The following PDS5A variants were observed in gnomAD, a reference collection of about 807,000 sequenced individuals.
PDS5A encodes sister chromatid cohesion protein PDS5 homolog A.
In PDS5A, 42 loss-of-function variants were observed where a neutral mutation model predicts 167.1. The ratio of observed to expected loss-of-function variants is 0.25; its 90% CI spans 0.20 to 0.33. PDS5A has a LOEUF of 0.33. Among genes scored for constraint, PDS5A ranks in the 10% least tolerant of loss-of-function variants. The probability of loss-of-function intolerance (pLI) is 1.00; values close to 1 mark genes in which losing one functional copy is unlikely to be tolerated. For synonymous variants in PDS5A, 553 were observed against 554.6 expected, an observed-to-expected ratio of 1.00 and a Z score of 0.04; for missense variants, 1,033 against 1,605.9, an observed-to-expected ratio of 0.64 and a Z score of 6.10.
At chr4:39,973,246 G>C in intron 2 of PDS5A, 2 of 1,471,382 alleles carry the variant, frequency 1.4e-6, no homozygotes, top group Non-Finnish European at 1.9e-6. Flanking sequence ...CTGGACTCTC[G>C]AGCATATGAA....
intron 16 of PDS5A, 126 bp downstream of exon 16, chr4:39,898,263 C>T: frequency 7.4e-7 from 1 of 1,344,504 alleles, no homozygotes; most frequent in Non-Finnish European, 9.6e-7. Flanking sequence ...AGATATACTC[C>T]AAAGTAATTC....
chr4:39,963,618 G>A (rs74379952), intron 2 of PDS5A, among the ~76,000 whole-genome samples: 3,702 of 152,240 alleles, frequency 0.024, 148 homozygotes, highest in East Asian at 0.18. Flanking sequence ...GGTTGAGGTG[G>A]GTAGAATGCT....
At chr4:39,897,168 T>A (rs950835510) in intron 16 of PDS5A, among the ~76,000 whole-genome samples, 1 of 151,854 alleles carries the variant, frequency 6.6e-6, no homozygotes, top group South Asian at 2.1e-4. Flanking sequence ...CCGAGGTGGG[T>A]GGATCACCTG....
At chr4:39,917,543 G>C (rs944822007) in intron 7 of PDS5A, among the ~76,000 whole-genome samples, 1 of 151,986 alleles carries the variant, frequency 6.6e-6, no homozygotes, top group Non-Finnish European at 1.5e-5. Context: ...TTTCCTTGTA[G>C]CAGAGAAAAA....
At position 39,844,367 on chromosome 4, in the gene PDS5A, C is replaced by T. The variant is rs1180240493; in HGVS notation, c.3548+289G>A. 6.6e-6 allele frequency among the ~76,000 whole-genome samples: 1 copy of T among 150,806 alleles called. No homozygotes were observed. Among genetic ancestry groups the T allele is most frequent in the Non-Finnish European group, 1.5e-5 (1 of 67,804 alleles). On this transcript the variant is annotated intron_variant, in intron 30 of 32. Transcript: ENST00000303538. ...GCAGGCGCCTGTAATTCCAGCTACT[C>T]GGGAGGCTGAGGCAGGAGAATTGCT...
At chr4:39,852,280 A>G (rs1718184821) in intron 26 of PDS5A, among the ~76,000 whole-genome samples, 1 of 152,148 alleles carries the variant, frequency 6.6e-6, no homozygotes, top group Non-Finnish European at 1.5e-5. Flanking sequence ...TTAAAACAGC[A>G]TTTTTTGAAA....
Position 39,934,857 on chromosome 4 carries a change from G to A in PDS5A, c.139-6693C>T, listed in dbSNP as rs548753324. ...ACCTACTCTACGTTTTCTTGGTGACGTGCCTCTCCAAATCTCTTTTCTTTT... is the reference window on the plus strand; with the variant it reads ...ACCTACTCTACGTTTTCTTGGTGACATGCCTCTCCAAATCTCTTTTCTTTT... On this transcript the variant is annotated intron_variant, in intron 2 of 32. Transcript: ENST00000303538. Among the ~76,000 whole-genome samples the A allele has an allele frequency of 6.6e-4, 100 of 151,816 alleles. No individual in the cohort carries two copies. The South Asian group carries it at 0.019, about 28-fold the overall frequency.
chr4:39,933,280 T>C (rs1281781315), intron 2 of PDS5A: 1 of 152,122 alleles, frequency 6.6e-6, no homozygotes, highest in African/African-American at 2.4e-5. Context: ...ATCAAAAGTA[T>C]GTATGTATTG....
chr4:39,927,176 A>G (rs1308809582), intron 3 of PDS5A, among the ~76,000 whole-genome samples: 1 of 152,190 alleles, frequency 6.6e-6, no homozygotes, highest in African/African-American at 2.4e-5. Context: ...TCCACCTTGC[A>G]TCGGGGCAAA....
intron 27 of PDS5A, 70 bp downstream of exon 27, chr4:39,849,450 A>AC: frequency 1.8e-6 from 2 of 1,139,614 alleles, no homozygotes; most frequent in Non-Finnish European, 2.5e-6. Flanking sequence ...AAAAAAAAAA[A>AC]AAAAAACCAA....
intron 16 of PDS5A, among the ~76,000 whole-genome samples, chr4:39,893,752 C>T (rs2109629183): frequency 6.6e-6 from 1 of 152,244 alleles, no homozygotes; most frequent in African/African-American, 2.4e-5. Flanking sequence ...ATTCTAAGTC[C>T]CACTTTACGT....
At chr4:39,872,165 CCA>C (rs1188345020) in intron 21 of PDS5A, among the ~76,000 whole-genome samples, 12 of 144,734 alleles carry the variant, frequency 8.3e-5, no homozygotes, top group Non-Finnish European at 1.5e-4. Flanking sequence ...AAATTCAAGT[CCA>C]CTTACTTTTT....
chr4:39,961,110 G>C (rs925433505), intron 2 of PDS5A, among the ~76,000 whole-genome samples: 1 of 152,012 alleles, frequency 6.6e-6, no homozygotes, highest in African/African-American at 2.4e-5. Context: ...CAACTAGCTA[G>C]AACTTTCTTG....
At chr4:39,921,676 C>T (rs1258462834) in intron 6 of PDS5A, among the ~76,000 whole-genome samples, 1 of 151,584 alleles carries the variant, frequency 6.6e-6, no homozygotes, top group Admixed American at 6.6e-5. Flanking sequence ...CACTTGAGCC[C>T]AGGAGACAGA....
intron 17 of PDS5A, among the ~76,000 whole-genome samples, chr4:39,886,522 C>T (rs1340762544): frequency 2.0e-5 from 3 of 151,780 alleles, no homozygotes; most frequent in African/African-American, 4.8e-5. Context: ...GAGACCAGCC[C>T]GACCAACATG....
At chr4:39,884,860 A>ATTAACTAACTG in intron 17 of PDS5A, among the ~76,000 whole-genome samples, 1 of 152,248 alleles carries the variant, frequency 6.6e-6, no homozygotes, top group South Asian at 2.1e-4. Context: ...TCTACTTCCT[A>ATTAACTAACTG]TAGACCATTA....
chr4:39,857,961 T>C (rs1718671482), intron 26 of PDS5A, among the ~76,000 whole-genome samples: 1 of 152,052 alleles, frequency 6.6e-6, no homozygotes, highest in Non-Finnish European at 1.5e-5. Flanking sequence ...TGAGCCACCA[T>C]GCCTGGCCAA....
intron 2 of PDS5A, among the ~76,000 whole-genome samples, chr4:39,929,161 G>A (rs566155036): frequency 1.4e-4 from 22 of 152,150 alleles, no homozygotes; most frequent in Non-Finnish European, 2.8e-4. Context: ...TCTGTGTGAT[G>A]GTTAATACTG....
At chr4:39,949,819 C>CAAAAAAAAAAAAAA (rs1553907223) in intron 2 of PDS5A, among the ~76,000 whole-genome samples, 4 of 1,224 alleles carry the variant, frequency 3.3e-3, no homozygotes, top group Non-Finnish European at 9.4e-3. Context: ...GACTCTGTCT[C>CAAAAAAAAAAAAAA]AGAAAAAAAA....
Sources: gnomAD v4.1 joint callset for allele counts (sites outside exome capture counted in the v4.1 genomes callset) on GRCh38, gnomAD v4.1.1 for gene constraint, MANE v1.5 for transcripts, NCBI Gene and HGNC (gene_info 2026-07-23, HGNC 2026-07-21) for gene names.